Variants in CCDC141 observed in about 807,000 individuals in gnomAD.
The protein encoded by CCDC141 is coiled-coil domain-containing protein 141.
Under a neutral mutation model 181.0 loss-of-function variants are expected in CCDC141, and 168 were observed. The observed-to-expected ratio is 0.93, with a 90% confidence interval of 0.82 to 1.05. The LOEUF is 1.05. CCDC141 is among the 50% of genes least tolerant of loss of function. The pLI, the probability that CCDC141 is intolerant of heterozygous loss-of-function variation, is 0.00. For missense variants in CCDC141, 1,902 were observed against 1,788.5 expected (o/e 1.06, Z -1.14); for synonymous variants, 666 against 642.3 (o/e 1.04, Z -0.56).
intron 2 of CCDC141, among the ~76,000 whole-genome samples, chr2:179,020,682 A>G (rs1454509666): frequency 6.6e-6 from 1 of 152,098 alleles, no homozygotes; most frequent in Non-Finnish European, 1.5e-5. Flanking sequence ...TCCATACCAC[A>G]CTGGCCCTTA....
Position 178,851,205 on chromosome 2 carries a change from C to CAA in CCDC141, c.3245-1046_3245-1045dup, listed in dbSNP as rs3045634. On this transcript the variant is annotated intron_variant, in intron 20 of 23. Transcript: ENST00000443758. ...TGGGTGACAAAGCAAGACTTTGTCTCAAAAAAAAAAAAAAAAAAAGGACTT... is the reference window on the plus strand; with the variant it reads ...TGGGTGACAAAGCAAGACTTTGTCTCAAAAAAAAAAAAAAAAAAAAAGGACTT... Among the ~76,000 whole-genome samples, 233 of 103,752 alleles carry CAA rather than the reference C, an allele frequency of 2.2e-3. 7 individuals carry two copies. Among genetic ancestry groups the CAA allele is most frequent in the South Asian group, 0.02 (55 of 2,762 alleles). The allele number at this position is 103,752 out of a possible 152,430, so 68.1% of individuals were successfully genotyped here. A position where few individuals can be genotyped will look rare whatever the true frequency, so the allele number is the denominator to read the frequency against.
chr2:178,985,016 T>C (rs61516992), intron 2 of CCDC141, among the ~76,000 whole-genome samples: 1,616 of 150,424 alleles, frequency 0.011, 24 homozygotes, highest in African/African-American at 0.038. Context: ...AATATACATT[T>C]TTTTCAGCAC....
At chr2:178,851,978 C>T (rs1685183739) in intron 20 of CCDC141, among the ~76,000 whole-genome samples, 1 of 152,178 alleles carries the variant, frequency 6.6e-6, no homozygotes, top group Admixed American at 6.5e-5. Context: ...TATATAGCTT[C>T]CCTACCAAAC....
At position 179,010,493 on chromosome 2, in the gene CCDC141, C is replaced by A. The variant is rs899838461; in HGVS notation, c.226-31818G>T. 6.6e-5 allele frequency among the ~76,000 whole-genome samples: 10 copies of A among 152,150 alleles called. No homozygotes were observed. The South Asian group carries it at 8.3e-4, about 13-fold the overall frequency. ...AAGCTAGGAGGGATTGGGGTCCTGT[C>A]TTCAGCCTCCTCACACAAAACAATT... On this transcript the variant is annotated intron_variant, in intron 2 of 23. Coordinates refer to ENST00000443758, the MANE Select transcript of CCDC141 (RefSeq NM_173648.4).
chr2:178,989,399 G>A (rs1691916807), intron 2 of CCDC141, among the ~76,000 whole-genome samples: 1 of 151,774 alleles, frequency 6.6e-6, no homozygotes. Flanking sequence ...TTCGAGACCA[G>A]CCTGGCCAAC....
rs776723280 is a variant in CCDC141 at position 178,886,827 on chromosome 2, T to G, written c.1452A>C (p.Ala484=). Residue 484 remains alanine (A), a synonymous_variant, in exon 10 of 24, where the codon GCA becomes GCC. Coordinates refer to ENST00000443758, the MANE Select transcript of CCDC141 (RefSeq NM_173648.4). The part of the protein sequence containing the change: ...IQKISPVLSN[A]MDVGSTRSES... ...CAGAACGGGTAGAACCAACATCCAT[T>G]GCATTAGAAAGTACTGGACTGATTT... is the stretch of plus-strand genomic sequence containing the variant. 7.5e-6 allele frequency: 11 copies of G among 1,471,364 alleles called. No homozygotes were observed. Among genetic ancestry groups the G allele is most frequent in the Non-Finnish European group, 9.9e-6 (11 of 1,113,948 alleles). 91.1% of individuals were successfully genotyped at this position (1,471,364 alleles called of 1,614,324 possible). A position where few individuals can be genotyped will look rare whatever the true frequency, so the allele number is the denominator to read the frequency against.
intron 2 of CCDC141, among the ~76,000 whole-genome samples, chr2:179,022,206 G>A (rs1218499095): frequency 6.6e-6 from 1 of 152,074 alleles, no homozygotes. Context: ...GAGTTCTGTG[G>A]CCTTTCAAGT....
intron 2 of CCDC141, among the ~76,000 whole-genome samples, chr2:179,002,988 G>A (rs952378779): frequency 3.9e-5 from 6 of 152,076 alleles, no homozygotes; most frequent in African/African-American, 1.4e-4. Flanking sequence ...GTAAACAGTA[G>A]AGCAATTACT....
intron 22 of CCDC141, among the ~76,000 whole-genome samples, chr2:178,839,341 A>G (rs1330156300): frequency 6.6e-6 from 1 of 151,686 alleles, no homozygotes; most frequent in Non-Finnish European, 1.5e-5. Flanking sequence ...TGAACCCAGA[A>G]GGCAGAAGTT....
At chr2:179,024,630 T>G (rs924264297) in intron 2 of CCDC141, among the ~76,000 whole-genome samples, 11 of 152,006 alleles carry the variant, frequency 7.2e-5, no homozygotes, top group African/African-American at 2.7e-4. Flanking sequence ...CCAAGAAGGT[T>G]TCAGAGAGCA....
chr2:178,900,759 T>C (rs1479284260), intron 8 of CCDC141, among the ~76,000 whole-genome samples: 7 of 151,972 alleles, frequency 4.6e-5, no homozygotes, highest in Non-Finnish European at 8.8e-5. Flanking sequence ...ACTCCAGGAG[T>C]TCAGCATCAA....
intron 2 of CCDC141, among the ~76,000 whole-genome samples, chr2:179,028,294 T>C (rs574381021): frequency 6.6e-6 from 1 of 152,346 alleles, no homozygotes; most frequent in Admixed American, 6.5e-5. Context: ...AATGAACTCT[T>C]CACTAACACT....
chr2:179,047,929 T>A (rs1239800471), intron 1 of CCDC141, among the ~76,000 whole-genome samples: 1 of 152,242 alleles, frequency 6.6e-6, no homozygotes, highest in Non-Finnish European at 1.5e-5. Context: ...AATTGATTTT[T>A]ATCTTATTTC....
intron 1 of CCDC141, among the ~76,000 whole-genome samples, chr2:179,049,193 TAA>T (rs1343440937): frequency 5.3e-5 from 8 of 152,226 alleles, no homozygotes; most frequent in African/African-American, 1.9e-4. Flanking sequence ...AAACATGCAG[TAA>T]TTGTAAACCC....
intron 2 of CCDC141, among the ~76,000 whole-genome samples, chr2:178,983,384 T>A (rs942004492): frequency 6.6e-6 from 1 of 152,038 alleles, no homozygotes; most frequent in Non-Finnish European, 1.5e-5. Context: ...ACAGAAAAAC[T>A]AGAAACTCTA....
At chr2:179,032,011 C>G (rs1162371705) in intron 2 of CCDC141, among the ~76,000 whole-genome samples, 1 of 152,054 alleles carries the variant, frequency 6.6e-6, no homozygotes, top group African/African-American at 2.4e-5. Context: ...ATCACAGAAC[C>G]ATCTATACAA....
In CCDC141 at chr2:178,832,487, A is replaced by AAAAAAAAAAAAAAAAAAAAT. The variant is rs1561614704; in HGVS notation, c.*1685_*1686insATTTTTTTTTTTTTTTTTTT. 6.6e-6 allele frequency: 1 copy of AAAAAAAAAAAAAAAAAAAAT among 150,942 alleles called. No individual in the cohort carries two copies. The highest frequency in any genetic ancestry group is 1.5e-5 in the Non-Finnish European group (1 of 67,726). The allele number at this position is 150,942 out of a possible 1,614,324, so 9.4% of individuals were successfully genotyped here. On this transcript the variant is annotated 3_prime_UTR_variant, in exon 24 of 24. Coordinates refer to ENST00000443758, the MANE Select transcript of CCDC141 (RefSeq NM_173648.4). The stretch of plus-strand genomic sequence containing the variant: ...TCTCAAAAAAAAAAAAAAAAAACAA[A>AAAAAAAAAAAAAAAAAAAAT]AAAAACAAAAAAAAGATAGTTAAGA...
chr2:179,037,909 G>A (rs2043189462), intron 2 of CCDC141, among the ~76,000 whole-genome samples: 2 of 152,160 alleles, frequency 1.3e-5, no homozygotes, highest in Admixed American at 1.3e-4. Context: ...ATGTTGGTGG[G>A]AACAAAAGTT....
intron 6 of CCDC141, among the ~76,000 whole-genome samples, chr2:178,928,500 A>C (rs780276639): frequency 1.3e-5 from 2 of 152,196 alleles, no homozygotes; most frequent in Non-Finnish European, 2.9e-5. Context: ...ATATAATAGT[A>C]TTAACTGTAA....
Sources: gnomAD v4.1 joint callset for allele counts (sites outside exome capture counted in the v4.1 genomes callset) on GRCh38, gnomAD v4.1.1 for gene constraint, MANE v1.5 for transcripts, NCBI Gene and HGNC (gene_info 2026-07-23, HGNC 2026-07-21) for gene names.